The following DENND1B variants were observed in gnomAD, a reference collection of about 807,000 sequenced individuals.
DENND1B encodes the protein DENN domain containing 1B.
A neutral mutation model predicts 90.1 loss-of-function variants in DENND1B; 59 were observed. The observed-to-expected ratio is 0.65, with a 90% CI of 0.53 to 0.81. The LOEUF (loss-of-function observed/expected upper bound fraction) is 0.81. DENND1B is among the 40% of genes least tolerant of loss of function. DENND1B has a pLI of 0.00. For synonymous variants in DENND1B, 337 were observed against 324.6 expected, an observed-to-expected ratio of 1.04 and a Z score of -0.41; for missense variants, 862 against 912.6, an observed-to-expected ratio of 0.94 and a Z score of 0.71.
intron 2 of DENND1B, among the ~76,000 whole-genome samples, chr1:197,768,744 T>C (rs185973379): frequency 2.8e-4 from 42 of 151,966 alleles, no homozygotes; most frequent in Admixed American, 1.6e-3. Context: ...TACTAACACA[T>C]AGGGGACACT....
chr1:197,525,382 CAAAAT>C (rs552020981), intron 20 of DENND1B, among the ~76,000 whole-genome samples: 331 of 152,074 alleles, frequency 2.2e-3, no homozygotes, highest in Non-Finnish European at 4.1e-3. Flanking sequence ...ATTCTCAAAA[CAAAAT>C]AAATAAGTCA....
Position 197,635,953 on chromosome 1 carries a change from T to A in DENND1B, c.672+6758A>T, listed in dbSNP as rs140830243. On this transcript the variant is annotated intron_variant, in intron 10 of 22. Coordinates refer to ENST00000620048, the MANE Select transcript of DENND1B (RefSeq NM_001195215.2). ...ACTGTCCTAAGAGACAGATACATTG[T>A]AGTGACTGACTGAACAAGATTAAAA... Among the ~76,000 whole-genome samples, 322 of 150,916 alleles carry A rather than the reference T, an allele frequency of 2.1e-3. 4 individuals carry two copies. Among genetic ancestry groups the A allele is most frequent in the Admixed American group, 0.019 (290 of 15,090 alleles).
intron 2 of DENND1B, among the ~76,000 whole-genome samples, chr1:197,762,827 T>C (rs1655255014): frequency 6.6e-6 from 1 of 152,148 alleles, no homozygotes; most frequent in Non-Finnish European, 1.5e-5. Context: ...TCTGACATAT[T>C]TCATTTAGCA....
At chr1:197,707,256 A>G (rs1659636541) in intron 3 of DENND1B, among the ~76,000 whole-genome samples, 1 of 152,144 alleles carries the variant, frequency 6.6e-6, no homozygotes, top group African/African-American at 2.4e-5. Context: ...GAGGCTGAGA[A>G]GGGCAGGCAG....
chr1:197,561,548 AC>A (rs1428827991), intron 15 of DENND1B, among the ~76,000 whole-genome samples: 2 of 151,840 alleles, frequency 1.3e-5, no homozygotes, highest in Admixed American at 6.6e-5. Context: ...TTTAAATTCT[AC>A]CTACATGCTG....
chr1:197,645,122 TAAATA>T (rs1405958992), intron 9 of DENND1B, among the ~76,000 whole-genome samples: 2 of 152,118 alleles, frequency 1.3e-5, no homozygotes, highest in African/African-American at 2.4e-5. Flanking sequence ...ATTAGGACTC[TAAATA>T]AAATGAAAAT....
At chr1:197,732,782 C>T (rs2102324745) in intron 2 of DENND1B, among the ~76,000 whole-genome samples, 1 of 152,274 alleles carries the variant, frequency 6.6e-6, no homozygotes, top group East Asian at 1.9e-4. Flanking sequence ...TTACTAGCAA[C>T]TTAACTTCCA....
rs903061438 is a variant in DENND1B, at chr1:197,744,922, A to G, written c.82+27946T>C. On this transcript the variant is annotated intron_variant, in intron 2 of 22. Coordinates refer to ENST00000620048, the MANE Select transcript of DENND1B (RefSeq NM_001195215.2). ...ACATCAGCACTTGCTGCTTCACCAT[A>G]TACACTTTCATGTTACAGAGATGGC... is the stretch of plus-strand genomic sequence containing the variant. 2.0e-5 allele frequency among the ~76,000 whole-genome samples: 3 copies of G among 152,206 alleles called. No homozygotes were observed. In the East Asian group the frequency reaches 5.8e-4, roughly 29 times the overall value.
chr1:197,727,489 C>T (rs572574651), intron 2 of DENND1B, among the ~76,000 whole-genome samples: 2 of 150,606 alleles, frequency 1.3e-5, no homozygotes, highest in East Asian at 2.0e-4. Flanking sequence ...GAGCCAAGAT[C>T]GCGCCACTGC....
chr1:197,518,223 C>T (rs573803325), intron 20 of DENND1B, among the ~76,000 whole-genome samples: 1 of 151,910 alleles, frequency 6.6e-6, no homozygotes, highest in South Asian at 2.1e-4. Flanking sequence ...TCTAGAAGGT[C>T]CTGTGGGGGT....
rs574764654 is a variant in DENND1B at position 197,508,517 on chromosome 1, A to G, written c.*1943T>C. 7 of 151,912 alleles carry G rather than the reference A, an allele frequency of 4.6e-5. No homozygotes were observed. The East Asian group carries it at 1.4e-3, about 30-fold the overall frequency. The allele number at this position is 151,912 out of a possible 1,614,324, so 9.4% of individuals were successfully genotyped here. The stretch of plus-strand genomic sequence containing the variant: ...AAGAATTGTCTTCTTATATAATCAT[A>G]ATGAATAAGTGTCCCAAATAACACA... On this transcript the variant is annotated 3_prime_UTR_variant, in exon 23 of 23. Transcript: ENST00000620048.
intron 2 of DENND1B, among the ~76,000 whole-genome samples, chr1:197,736,348 CTCTATCTA>C (rs747122538): frequency 6.6e-6 from 1 of 151,946 alleles, no homozygotes; most frequent in African/African-American, 2.4e-5. Flanking sequence ...CTGTCTGTCT[CTCTATCTA>C]TCTATCTATC....
intron 12 of DENND1B, among the ~76,000 whole-genome samples, chr1:197,609,639 G>A (rs1188378661): frequency 1.3e-5 from 2 of 149,946 alleles, no homozygotes; most frequent in South Asian, 4.2e-4. Flanking sequence ...TCATGACTTT[G>A]AACAACTACA....
intron 3 of DENND1B, among the ~76,000 whole-genome samples, chr1:197,707,582 A>G (rs1163931899): frequency 2.0e-5 from 3 of 147,764 alleles, no homozygotes; most frequent in African/African-American, 7.4e-5. Context: ...ATATGCATAT[A>G]TTTATATACA....
intron 10 of DENND1B, among the ~76,000 whole-genome samples, chr1:197,627,923 C>A (rs1678930312): frequency 6.6e-6 from 1 of 152,078 alleles, no homozygotes; most frequent in Non-Finnish European, 1.5e-5. Context: ...CTCCCATTCA[C>A]AATTGCTTCA....
chr1:197,558,113 G>A (rs970088247), intron 15 of DENND1B, among the ~76,000 whole-genome samples: 4 of 151,686 alleles, frequency 2.6e-5, no homozygotes, highest in Non-Finnish European at 5.9e-5. Context: ...ATAAAATTAG[G>A]TTGCAAGTAG....
intron 2 of DENND1B, among the ~76,000 whole-genome samples, chr1:197,758,291 G>A (rs576306842): frequency 6.6e-5 from 10 of 152,222 alleles, no homozygotes; most frequent in African/African-American, 2.2e-4. Flanking sequence ...TATTAAAGAG[G>A]GGACTTGGAA....
chr1:197,667,802 C>T (rs190402199), intron 5 of DENND1B, among the ~76,000 whole-genome samples: 9 of 151,898 alleles, frequency 5.9e-5, no homozygotes, highest in East Asian at 5.8e-4. Flanking sequence ...CCTGCAAACA[C>T]GCACATATTT....
chr1:197,663,942 C>T (rs998829413), intron 5 of DENND1B, among the ~76,000 whole-genome samples: 21 of 151,872 alleles, frequency 1.4e-4, no homozygotes, highest in African/African-American at 4.8e-4. Context: ...ACTCTAAGTA[C>T]ACTTTAAGTC....
Sources: gnomAD v4.1 joint callset for allele counts (sites outside exome capture counted in the v4.1 genomes callset) on GRCh38, gnomAD v4.1.1 for gene constraint, MANE v1.5 for transcripts, NCBI Gene and HGNC (gene_info 2026-07-23, HGNC 2026-07-21) for gene names.